The following LAMP2 variants were observed in gnomAD, a reference collection of about 807,000 sequenced individuals.
LAMP2 encodes the protein lysosome-associated membrane glycoprotein 2.
Under a neutral mutation model 25.6 loss-of-function variants are expected in LAMP2, and 4 were observed. That is an observed-to-expected ratio of 0.16 (90% confidence interval 0.08 to 0.36). The LOEUF is 0.36. LAMP2 is among the 10% of genes least tolerant of loss of function. LAMP2 has a pLI of 1.00. For missense variants in LAMP2, 272 were observed against 301.4 expected, an observed-to-expected ratio of 0.90 and a Z score of 0.72; for synonymous variants, 108 against 112.7, an observed-to-expected ratio of 0.96 and a Z score of 0.27.
chrX:120,430,387 G>C lies in LAMP2; in HGVS notation c.*936C>G. 1.3e-6 allele frequency: 1 copy of C among 754,108 alleles called. No homozygotes were observed. The highest frequency in any genetic ancestry group is 1.6e-6 in the Non-Finnish European group (1 of 639,007). The allele number at this position is 754,108 out of a possible 1,213,427, so 62.1% of individuals were successfully genotyped here. On this transcript the variant is annotated 3_prime_UTR_variant, in exon 9 of 9. Transcript: ENST00000200639. The stretch of plus-strand genomic sequence containing the variant: ...TGCCTCCCTTCTGAGATTGCTGTTA[G>C]CTTACATTTCATAAGTACCACACTG...
intron 1 of LAMP2, 117 bp downstream of exon 1, chrX:120,468,989 T>G (rs1233680740): frequency 1.1e-5 from 9 of 829,991 alleles, no homozygotes; most frequent in Non-Finnish European, 1.1e-5. Context: ...CGCCGCCCAG[T>G]GTTAGCTGCT....
In LAMP2 at chrX:120,431,189, C is replaced by G; in HGVS notation, c.*134G>C. ...AGGTTTTATTAATAAAGACTGATCT[C>G]AAAATGCTGGGATTGATAAAAGAAT... On this transcript the variant is annotated 3_prime_UTR_variant, in exon 9 of 9. Transcript: ENST00000200639. 3 of 1,169,803 alleles carry G rather than the reference C, an allele frequency of 2.6e-6. No individual in the cohort carries two copies. The highest frequency in any genetic ancestry group is 3.4e-6 in the Non-Finnish European group (3 of 872,982).
chrX:120,461,370 T>A (rs1273276171), intron 1 of LAMP2, among the ~76,000 whole-genome samples: 2 of 112,068 alleles, frequency 1.8e-5, no homozygotes, highest in Non-Finnish European at 3.8e-5. Flanking sequence ...TTTATAGCAG[T>A]AAATCCTGTC....
chrX:120,467,213 A>T (rs1423639150), intron 1 of LAMP2, among the ~76,000 whole-genome samples: 1 of 110,280 alleles, frequency 9.1e-6, no homozygotes, highest in African/African-American at 3.3e-5. Flanking sequence ...GGTCCTCGAG[A>T]GTCACTGAAT....
Position 120,429,943 on chromosome X carries a change from AC to A in LAMP2, c.*1379del, listed in dbSNP as rs1335001085. The A allele has an allele frequency of 2.7e-5, 20 of 751,757 alleles. No homozygotes were observed. Among genetic ancestry groups the A allele is most frequent in the Non-Finnish European group, 3.1e-5 (20 of 637,961 alleles). The allele number at this position is 751,757 out of a possible 1,213,427, so 62.0% of individuals were successfully genotyped here. A position where few individuals can be genotyped will look rare whatever the true frequency, so the allele number is the denominator to read the frequency against. ...TAATTTTAACTTTTCCTCCTCTTGT[AC>A]TTTTACCATTCATAAAAATGTTGCT... On this transcript the variant is annotated 3_prime_UTR_variant, in exon 9 of 9. Transcript: ENST00000200639.
chrX:120,442,732 C>T (rs1168865736), intron 6 of LAMP2, 70 bp from the exon 7 acceptor site: 1 of 832,056 alleles, frequency 1.2e-6, no homozygotes, highest in Non-Finnish European at 1.8e-6. Context: ...ACGGTTAATA[C>T]CCACAGAAGA....
Position 120,431,099 on chromosome X carries a change from T to C in LAMP2, c.*224A>G, listed in dbSNP as rs1238954574. On this transcript the variant is annotated 3_prime_UTR_variant, in exon 9 of 9. Coordinates refer to ENST00000200639, the MANE Select transcript of LAMP2 (RefSeq NM_002294.3). Reference sequence around the variant, plus strand: ...AAAACATTGCACGTTGATGTTCTTTTGAACAAGTTTGTCTCCAGGACCAGT... The same window carrying C: ...AAAACATTGCACGTTGATGTTCTTTCGAACAAGTTTGTCTCCAGGACCAGT... The C allele has an allele frequency of 2.0e-6, 2 of 1,019,645 alleles. No homozygotes were observed. The highest frequency in any genetic ancestry group is 4.1e-5 in the Admixed American group (1 of 24,277). The allele number at this position is 1,019,645 out of a possible 1,213,427, so 84.0% of individuals were successfully genotyped here.
chrX:120,461,234 G>A (rs1216057111), intron 1 of LAMP2, among the ~76,000 whole-genome samples: 2 of 111,817 alleles, frequency 1.8e-5, no homozygotes, highest in Admixed American at 1.9e-4. Context: ...GGGCTGATAT[G>A]CTATCTGTTT....
intron 3 of LAMP2, among the ~76,000 whole-genome samples, chrX:120,451,626 C>T (rs1428547517): frequency 9.0e-6 from 1 of 110,658 alleles, no homozygotes; most frequent in African/African-American, 3.3e-5. Flanking sequence ...CACTACCACC[C>T]GGCTAATTTT....
At chrX:120,456,832 C>A (rs41300920) in intron 1 of LAMP2, 63 bp from the exon 2 acceptor site, 416 of 631,315 alleles carry the variant, frequency 6.6e-4, no homozygotes, top group Non-Finnish European at 9.1e-4. Context: ...AAATTAAAAA[C>A]AAGCTCTACC....
chrX:120,467,276 T>A, intron 1 of LAMP2, among the ~76,000 whole-genome samples: 1 of 112,334 alleles, frequency 8.9e-6, no homozygotes, highest in Non-Finnish European at 1.9e-5. Flanking sequence ...GATTTATCAA[T>A]GTTGGCACCA....
chrX:120,450,111 T>C (rs908564456), intron 3 of LAMP2, among the ~76,000 whole-genome samples: 32 of 112,378 alleles, frequency 2.8e-4, no homozygotes, highest in African/African-American at 1.0e-3. Context: ...CCAATGAGCT[T>C]ATAGAACCGC....
At chrX:120,452,072 G>C (rs1215623826) in intron 3 of LAMP2, among the ~76,000 whole-genome samples, 1 of 110,762 alleles carries the variant, frequency 9.0e-6, no homozygotes, top group Non-Finnish European at 1.9e-5. Context: ...AGCTTCTTAA[G>C]CCAGCATCTC....
At chrX:120,468,993 A>G in intron 1 of LAMP2, 113 bp downstream of exon 1, 6 of 865,787 alleles carry the variant, frequency 6.9e-6, no homozygotes, top group Non-Finnish European at 8.6e-6. Context: ...GCCCAGTGTT[A>G]GCTGCTGAGC....
Position 120,449,064 on chromosome X carries a change from A to G in LAMP2, c.462T>C (p.Asn154=), listed in dbSNP as rs772164739. 4 of 1,200,775 alleles carry G rather than the reference A, an allele frequency of 3.3e-6. No homozygotes were observed. The highest frequency in any genetic ancestry group is 5.9e-5 in the East Asian group (2 of 33,771). ...RIPLNDLFRC[N]SLSTLEKNDV... is the part of the protein sequence containing the mutation. ...CATTCTTTTCCAAAGTTGATAAACT[A>G]TTGCATCTAAAAAGGTCATTCAATG... The change falls in exon 4 of 9, where the codon AAT becomes AAC. Residue 154 remains asparagine (N), a synonymous_variant. Coordinates refer to ENST00000200639, the MANE Select transcript of LAMP2 (RefSeq NM_002294.3).
At chrX:120,439,375 G>T in intron 8 of LAMP2, 1 of 933,811 alleles carries the variant, frequency 1.1e-6, no homozygotes, top group Non-Finnish European at 1.6e-6. Flanking sequence ...TGATTTAAAA[G>T]TCAGAAATGT....
chrX:120,432,288 G>C lies in LAMP2; in HGVS notation c.1094-826C>G, dbSNP rs182874621. Among the ~76,000 whole-genome samples, 215 of 111,027 alleles carry C rather than the reference G, an allele frequency of 1.9e-3. 1 individual carries two copies. The highest frequency in any genetic ancestry group is 0.014 in the Middle Eastern group (3 of 217). ...CAAGGGAAACGCAAGCAGGTTGGCA[G>C]AGCTAGAACAATGGATCAAAAGGTA... On this transcript the variant is annotated intron_variant, in intron 8 of 8. Transcript: ENST00000200639.
intron 6 of LAMP2, among the ~76,000 whole-genome samples, chrX:120,445,735 C>T (rs2058592973): frequency 8.9e-6 from 1 of 112,250 alleles, no homozygotes; most frequent in Non-Finnish European, 1.9e-5. Context: ...TAACCCAAAA[C>T]CTTCTGTTTA....
At chrX:120,463,716 C>G (rs902218551) in intron 1 of LAMP2, among the ~76,000 whole-genome samples, 2 of 110,821 alleles carry the variant, frequency 1.8e-5, no homozygotes, top group Non-Finnish European at 3.8e-5. Context: ...ATCTATAACC[C>G]TATCAGATGT....
Sources: gnomAD v4.1 joint callset for allele counts (sites outside exome capture counted in the v4.1 genomes callset) on GRCh38, gnomAD v4.1.1 for gene constraint, MANE v1.5 for transcripts, NCBI Gene and HGNC (gene_info 2026-07-23, HGNC 2026-07-21) for gene names.